BAZ2B: variants seen among roughly 807,000 people sequenced by gnomAD.
The protein encoded by BAZ2B is bromodomain adjacent to zinc finger domain 2B.
BAZ2B carries 91 observed loss-of-function variants against 246.0 expected under a neutral mutation model. The ratio of observed to expected loss-of-function variants is 0.37; its 90% CI spans 0.31 to 0.44. The LOEUF is 0.44. BAZ2B is among the 20% of genes least tolerant of loss of function. The pLI, the probability that BAZ2B is intolerant of heterozygous loss-of-function variation, is 1.00. For missense variants in BAZ2B, 2,332 were observed against 2,533.7 expected, an observed-to-expected ratio of 0.92 and a Z score of 1.71; for synonymous variants, 855 against 860.0, an observed-to-expected ratio of 0.99 and a Z score of 0.10.
intron 5 of BAZ2B, 49 bp from the exon 6 acceptor site, chr2:159,447,024 A>G: frequency 7.4e-7 from 1 of 1,345,416 alleles, no homozygotes; most frequent in Non-Finnish European, 1.0e-6. Context: ...TTATTGCATC[A>G]TTTAAAAATG....
chr2:159,588,782 A>G lies in BAZ2B; in HGVS notation c.-46+27460T>C, dbSNP rs139686709. On this transcript the variant is annotated intron_variant, in intron 1 of 36. Coordinates refer to ENST00000392783, the MANE Select transcript of BAZ2B (RefSeq NM_013450.4). The stretch of plus-strand genomic sequence containing the variant: ...TCTTTTTGACTTTATTTACAAATAA[A>G]TCATATATTCCATAGAGAATGCTCG... Among the ~76,000 whole-genome samples the G allele has an allele frequency of 3.4e-3, 514 of 152,326 alleles. 1 individual carries two copies. The highest frequency in any genetic ancestry group is 0.012 in the African/African-American group (480 of 41,580).
intron 3 of BAZ2B, chr2:159,463,188 A>G: frequency 1.8e-6 from 1 of 566,890 alleles, no homozygotes; most frequent in South Asian, 1.6e-5. Flanking sequence ...CTGCGGGTGC[A>G]TGAGTGATGA....
In BAZ2B at chr2:159,431,101, A is replaced by G. The variant is rs770906184; in HGVS notation, c.1956T>C (p.Asp652=). ...DTEGSEEEDD[D]DKDQDESDSD... is the part of the protein sequence containing the mutation. The stretch of plus-strand genomic sequence containing the variant: ...TATCTGATTCATCTTGGTCTTTATC[A>G]TCATCATCTTCTTCTTCTGATCCTT... Residue 652 remains aspartate, a synonymous_variant, in exon 10 of 37, where the codon GAT becomes GAC. Transcript: ENST00000392783. The G allele has an allele frequency of 1.9e-6, 3 of 1,613,324 alleles. No homozygotes were observed. Among genetic ancestry groups the G allele is most frequent in the Non-Finnish European group, 2.5e-6 (3 of 1,179,366 alleles).
At chr2:159,434,141 T>A (rs945812004) in intron 8 of BAZ2B, 1 of 145,930 alleles carries the variant, frequency 6.9e-6, no homozygotes, top group Non-Finnish European at 1.5e-5. Flanking sequence ...TGAAAGATCA[T>A]AAGTCAAAGA....
chr2:159,601,386 T>C (rs1387885426), intron 1 of BAZ2B, among the ~76,000 whole-genome samples: 1 of 151,034 alleles, frequency 6.6e-6, no homozygotes, highest in Non-Finnish European at 1.5e-5. Context: ...ATTGTGCCAC[T>C]GCACTCCAGA....
rs185008382 is a variant in BAZ2B at position 159,538,138 on chromosome 2, A to T, written c.-3+17685T>A. 1.5e-4 allele frequency among the ~76,000 whole-genome samples: 23 copies of T among 152,246 alleles called. 1 individual carries two copies. In the East Asian group the frequency reaches 4.4e-3, roughly 29 times the overall value. ...CAGCCTCTCTGGTTGCTGAGACTACAGGTACGCACCACCATGTCTGGCTAA... is the reference window on the plus strand; with the variant it reads ...CAGCCTCTCTGGTTGCTGAGACTACTGGTACGCACCACCATGTCTGGCTAA... On this transcript the variant is annotated intron_variant, in intron 2 of 36. Transcript: ENST00000392783.
chr2:159,476,271 A>G (rs1289929105), intron 3 of BAZ2B, among the ~76,000 whole-genome samples: 1 of 152,064 alleles, frequency 6.6e-6, no homozygotes, highest in Non-Finnish European at 1.5e-5. Flanking sequence ...AAAAAAAATT[A>G]TTTTACCTAC....
chr2:159,323,794 ACT>A (rs1430521535), intron 36 of BAZ2B, among the ~76,000 whole-genome samples: 2 of 135,602 alleles, frequency 1.5e-5, no homozygotes, highest in Non-Finnish European at 3.4e-5. Flanking sequence ...CAAAAGTGAA[ACT>A]CTCTCAAAAA....
chr2:159,501,136 ATT>A (rs1411785357), intron 2 of BAZ2B, among the ~76,000 whole-genome samples: 3 of 26,276 alleles, frequency 1.1e-4, no homozygotes, highest in African/African-American at 2.6e-4. Flanking sequence ...ATATATATAT[ATT>A]TTATATATAT....
chr2:159,596,771 TG>T (rs1690824414), intron 1 of BAZ2B, among the ~76,000 whole-genome samples: 1 of 152,192 alleles, frequency 6.6e-6, no homozygotes, highest in South Asian at 2.1e-4. Flanking sequence ...CACTTATGAG[TG>T]AGAACATACG....
intron 1 of BAZ2B, among the ~76,000 whole-genome samples, chr2:159,569,571 CAT>C (rs1420431118): frequency 1.3e-5 from 2 of 152,058 alleles, no homozygotes; most frequent in Non-Finnish European, 2.9e-5. Context: ...TACAAAGTAA[CAT>C]ATAATAAAAG....
intron 1 of BAZ2B, among the ~76,000 whole-genome samples, chr2:159,601,764 A>G (rs1578833950): frequency 6.6e-6 from 1 of 152,128 alleles, no homozygotes; most frequent in African/African-American, 2.4e-5. Flanking sequence ...CTTGCTTAAC[A>G]TGATCTTTAA....
At chr2:159,371,565 T>C (rs1217176702) in intron 27 of BAZ2B, among the ~76,000 whole-genome samples, 1 of 152,244 alleles carries the variant, frequency 6.6e-6, no homozygotes, top group Admixed American at 6.5e-5. Flanking sequence ...GTCTTCCTTT[T>C]ATCCCTGTTT....
rs529125673 is a variant in BAZ2B at position 159,510,826 on chromosome 2, A to T, written c.-2-32105T>A. ...AGGAGCTTTCCTGGTCATTCCAATGACCGCTCTCTTACTGTCAACTCATAA... is the reference window on the plus strand; with the variant it reads ...AGGAGCTTTCCTGGTCATTCCAATGTCCGCTCTCTTACTGTCAACTCATAA... On this transcript the variant is annotated intron_variant, in intron 2 of 36. Coordinates refer to ENST00000392783, the MANE Select transcript of BAZ2B (RefSeq NM_013450.4). Among the ~76,000 whole-genome samples the T allele has an allele frequency of 5.5e-4, 83 of 151,390 alleles. 1 individual carries two copies. Among genetic ancestry groups the T allele is most frequent in the Non-Finnish European group, 6.9e-4 (47 of 67,794 alleles).
intron 1 of BAZ2B, among the ~76,000 whole-genome samples, chr2:159,556,910 G>A (rs1340454673): frequency 6.6e-6 from 1 of 152,100 alleles, no homozygotes; most frequent in East Asian, 1.9e-4. Flanking sequence ...CCTTCAAAGG[G>A]GCAGGAAAGA....
At chr2:159,560,823 G>T (rs562914803) in intron 1 of BAZ2B, among the ~76,000 whole-genome samples, 1 of 152,012 alleles carries the variant, frequency 6.6e-6, no homozygotes, top group South Asian at 2.1e-4. Context: ...CACCGCACCC[G>T]GCTAAAACCC....
the BAZ2B span, among the ~76,000 whole-genome samples, chr2:159,630,102 T>C: frequency 2.6e-5 from 4 of 152,202 alleles, no homozygotes; most frequent in Admixed American, 2.6e-4. Flanking sequence ...AAAACCTGTA[T>C]TGTAGATGTG....
In BAZ2B at chr2:159,488,517, T is replaced by G. The variant is rs1444467634; in HGVS notation, c.-2-9796A>C. Among the ~76,000 whole-genome samples the G allele has an allele frequency of 2.0e-5, 3 of 152,094 alleles. No individual in the cohort carries two copies. The East Asian group carries it at 5.8e-4, about 29-fold the overall frequency. ...TAATATATGCCATGTACCCACAACA[T>G]TTGAAAATAAAAAAGAACAAAAAAA... On this transcript the variant is annotated intron_variant, in intron 2 of 36. Transcript: ENST00000392783.
intron 24 of BAZ2B, 118 bp from the exon 25 acceptor site, chr2:159,382,920 AT>A (rs2062168720): frequency 7.6e-7 from 1 of 1,321,984 alleles, no homozygotes; most frequent in Admixed American, 2.6e-5. Context: ...GTGTTAAGCG[AT>A]ATACCAATGT....
Sources: gnomAD v4.1 joint callset for allele counts (sites outside exome capture counted in the v4.1 genomes callset) on GRCh38, gnomAD v4.1.1 for gene constraint, MANE v1.5 for transcripts, NCBI Gene and HGNC (gene_info 2026-07-23, HGNC 2026-07-21) for gene names.